LCMT2: variants seen among roughly 807,000 people sequenced by gnomAD.
The protein encoded by LCMT2 is leucine carboxyl methyltransferase 2.
In LCMT2, 34 loss-of-function variants were observed where a neutral mutation model predicts 42.0. The ratio of observed to expected loss-of-function variants is 0.81; its 90% confidence interval spans 0.62 to 1.08. LCMT2 has a LOEUF of 1.08. LCMT2 is among the 50% of genes least tolerant of loss of function. The pLI is 0.00. For missense variants in LCMT2, 1,091 were observed against 889.4 expected, an observed-to-expected ratio of 1.23 and a Z score of -2.88; for synonymous variants, 445 against 369.5, an observed-to-expected ratio of 1.20 and a Z score of -2.34.
chr15:43,329,147 T>C lies in LCMT2; in HGVS notation c.1343A>G (p.Gln448Arg). The C allele has an allele frequency of 6.2e-7, 1 of 1,614,044 alleles. No homozygotes were observed. Among genetic ancestry groups the C allele is most frequent in the Middle Eastern group, 1.6e-4 (1 of 6,062 alleles). ...SPVSPALGVL[Q>R]LHFFKSEDNN... is the part of the protein sequence containing the mutation. ...ATCCTCACTCTTAAAAAAATGAAGC[T>C]GGAGAACCCCCAAGGCTGGACTTAC... The change falls in exon 1 of 1, where the codon CAG (glutamine) becomes CGG (arginine). Residue 448 changes from glutamine to arginine, a missense_variant. Coordinates refer to ENST00000305641, the MANE Select transcript of LCMT2 (RefSeq NM_014793.5).
rs369071650 is a variant in LCMT2 at position 43,328,564 on chromosome 15, G to C, written c.1926C>G (p.Asn642Lys). ...TYVPWPLMLHNHTSILLPEEQ... is the reference protein window; with the variant it reads ...TYVPWPLMLHKHTSILLPEEQ... ...CTTCAGGAAGAAGGATACTAGTATG[G>C]TTGTGTAACATTAATGGCCATGGCA... Residue 642 changes from asparagine to lysine, a missense_variant, in exon 1 of 1, where the codon AAC (asparagine) becomes AAG (lysine). Transcript: ENST00000305641. 1 of 1,614,216 alleles carries C rather than the reference G, an allele frequency of 6.2e-7. No homozygotes were observed. The highest frequency in any genetic ancestry group is 8.5e-7 in the Non-Finnish European group (1 of 1,180,052).
rs745926732 is a variant in LCMT2, at chr15:43,328,848, T to C, written c.1642A>G (p.Ile548Val). 3 of 1,613,674 alleles carry C rather than the reference T, an allele frequency of 1.9e-6. No homozygotes were observed. Among genetic ancestry groups the C allele is most frequent in the Non-Finnish European group, 2.5e-6 (3 of 1,179,990 alleles). ...SACTWQGGAL[I>V]AGGLGASEEP... ...TCAGAAGCCCCGAGACCTCCAGCAATAAGGGCTCCCCCTTGCCAAGTGCAG... is the reference window on the plus strand; with the variant it reads ...TCAGAAGCCCCGAGACCTCCAGCAACAAGGGCTCCCCCTTGCCAAGTGCAG... The change falls in exon 1 of 1, where the codon ATT becomes GTT. Residue 548 changes from isoleucine (I) to valine (V), a missense_variant. Ile to Val is a conservative substitution (Grantham distance 29). Coordinates refer to ENST00000305641, the MANE Select transcript of LCMT2 (RefSeq NM_014793.5).
Position 43,329,563 on chromosome 15 carries a change from C to T in LCMT2, c.927G>A (p.Leu309=), listed in dbSNP as rs1398918142. 3 of 1,614,088 alleles carry T rather than the reference C, an allele frequency of 1.9e-6. No homozygotes were observed. The highest frequency in any genetic ancestry group is 1.3e-5 in the African/African-American group (1 of 75,046). The change falls in exon 1 of 1, where the codon CTG becomes CTA. Residue 309 remains leucine (L), a synonymous_variant. Transcript: ENST00000305641. ...AGAGGGTGTCTCCCCTAGAAGCTGC[C>T]AGAATGAAATAATGGGCGCACTTCA... The part of the protein sequence containing the change: ...WHLKCAHYFI[L]AASRGDTLSH...
Position 43,328,511 on chromosome 15 carries a change from C to A in LCMT2, c.1979G>T (p.Gly660Val). The change falls in exon 1 of 1, where the codon GGT (glycine) becomes GTT (valine). Residue 660 changes from glycine (G) to valine (V), a missense_variant. Gly to Val is a moderately radical substitution (Grantham distance 109, BLOSUM62 -3). Coordinates refer to ENST00000305641, the MANE Select transcript of LCMT2 (RefSeq NM_014793.5). ...EEQQLLLLGG[G>V]GNCFSFGTYF... The stretch of plus-strand genomic sequence containing the variant: ...GGTACCAAAGGAAAAGCAGTTCCCA[C>A]CACCTCCAAGGAGCAGGAGCTGTTG... 6.2e-7 allele frequency: 1 copy of A among 1,614,194 alleles called. No individual in the cohort carries two copies.
In LCMT2 at chr15:43,323,983, C is replaced by T. The variant is rs577788883; in HGVS notation, c.*4446G>A. ...ACAATTCCTTCCCTCAGTCAAGGAA[C>T]TGCCCCTTCCCAATCATGTGCTTTC... On this transcript the variant is annotated 3_prime_UTR_variant, in exon 1 of 1. Coordinates refer to ENST00000305641, the MANE Select transcript of LCMT2 (RefSeq NM_014793.5). 1 of 152,352 alleles carries T rather than the reference C, an allele frequency of 6.6e-6. No individual in the cohort carries two copies. The highest frequency in any genetic ancestry group is 2.1e-4 in the South Asian group (1 of 4,828). The allele number at this position is 152,352 out of a possible 1,614,324, so 9.4% of individuals were successfully genotyped here. A position where few individuals can be genotyped will look rare whatever the true frequency, so the allele number is the denominator to read the frequency against.
Position 43,330,337 on chromosome 15 carries a change from G to C in LCMT2, c.153C>G (p.Leu51=). 1.9e-6 allele frequency: 3 copies of C among 1,602,450 alleles called. No homozygotes were observed. Among genetic ancestry groups the C allele is most frequent in the Non-Finnish European group, 2.5e-6 (3 of 1,178,308 alleles). Residue 51 remains leucine (L), a synonymous_variant, in exon 1 of 1, where the codon CTC becomes CTG. Coordinates refer to ENST00000305641, the MANE Select transcript of LCMT2 (RefSeq NM_014793.5). The stretch of plus-strand genomic sequence containing the variant: ...CGCGGACGTAGTAGCCTCGGTGAAT[G>C]AGCGGTGCGCGGCGCGCCGCGCCCG... ...LVPGAARRAP[L]IHRGYYVRAR...
In LCMT2 at chr15:43,328,708, G is replaced by A. The variant is rs764921753; in HGVS notation, c.1782C>T (p.Leu594=). The change falls in exon 1 of 1, where the codon CTC becomes CTT. Residue 594 remains leucine (L), a synonymous_variant. Transcript: ENST00000305641. ...TPRYSHTAHV[L]NGKLLLVGGI... is the part of the protein sequence containing the mutation. ...CTCCAACCAGTAACAGCTTTCCATT[G>A]AGCACATGAGCTGTGTGGGAGTACC... is the stretch of plus-strand genomic sequence containing the variant. The A allele has an allele frequency of 2.7e-5, 44 of 1,614,024 alleles. No homozygotes were observed. The Admixed American group carries it at 7.3e-4, about 27-fold the overall frequency.
In LCMT2 at chr15:43,329,923, C is replaced by T. The variant is rs1286409512; in HGVS notation, c.567G>A (p.Ala189=). ...TCTCCGGCTCGAGGTAGGTCAGCAC[C>T]GCCTCGGCCAGGAGCAGAGTGGGTG... ...AASPTLLLAE[A]VLTYLEPESA... Residue 189 remains alanine, a synonymous_variant, in exon 1 of 1, where the codon GCG becomes GCA. Transcript: ENST00000305641. The T allele has an allele frequency of 4.3e-6, 7 of 1,612,798 alleles. No individual in the cohort carries two copies. Among genetic ancestry groups the T allele is most frequent in the Non-Finnish European group, 5.9e-6 (7 of 1,179,822 alleles).
rs1348240371 is a variant in LCMT2, at chr15:43,327,745, C to G, written c.*684G>C. ...TGAAAGGTGGAGAGTATATCTGGAA[C>G]AAAACATTATTATACCCCGTGCAAA... is the stretch of plus-strand genomic sequence containing the variant. On this transcript the variant is annotated 3_prime_UTR_variant, in exon 1 of 1. Coordinates refer to ENST00000305641, the MANE Select transcript of LCMT2 (RefSeq NM_014793.5). The G allele has an allele frequency of 2.0e-5, 3 of 152,370 alleles. No individual in the cohort carries two copies. Among genetic ancestry groups the G allele is most frequent in the Admixed American group, 2.0e-4 (3 of 15,296 alleles). 9.4% of individuals were successfully genotyped at this position (152,370 alleles called of 1,614,324 possible). A position where few individuals can be genotyped will look rare whatever the true frequency, so the allele number is the denominator to read the frequency against.
In LCMT2 at chr15:43,329,446, GCTA is replaced by G; in HGVS notation, c.1041_1043del (p.Ser348del). ...TCTTCAGGTTTGGGACCTGGCCCTC[GCTA>G]CTGACTACGCTGGCAGGGAATACCC... On this transcript the variant is annotated inframe_deletion, in exon 1 of 1. Coordinates refer to ENST00000305641, the MANE Select transcript of LCMT2 (RefSeq NM_014793.5). 1 of 1,614,148 alleles carries G rather than the reference GCTA, an allele frequency of 6.2e-7. No homozygotes were observed. The highest frequency in any genetic ancestry group is 8.5e-7 in the Non-Finnish European group (1 of 1,180,022).
Position 43,329,199 on chromosome 15 carries a change from G to C in LCMT2, c.1291C>G (p.Leu431Val), listed in dbSNP as rs1159898226. The C allele has an allele frequency of 7.4e-6, 12 of 1,613,910 alleles. No individual in the cohort carries two copies. Among genetic ancestry groups the C allele is most frequent in the Non-Finnish European group, 1.0e-5 (12 of 1,180,032 alleles). The change falls in exon 1 of 1, where the codon CTG becomes GTG. Residue 431 changes from leucine (L) to valine (V), a missense_variant. By Grantham distance (32) the Leu-to-Val change is conservative. Coordinates refer to ENST00000305641, the MANE Select transcript of LCMT2 (RefSeq NM_014793.5). ...TMTRLSESRV[L>V]VLGGRLSPVS... is the part of the protein sequence containing the mutation. The stretch of plus-strand genomic sequence containing the variant: ...GGGGACAGTCTCCCTCCCAGAACCA[G>C]AACCCGACTCTCTGAGAGTCTTGTC...
rs1164721881 is a variant in LCMT2 at position 43,329,903 on chromosome 15, G to C, written c.587C>G (p.Pro196Arg). 1 of 1,613,094 alleles carries C rather than the reference G, an allele frequency of 6.2e-7. No individual in the cohort carries two copies. Among genetic ancestry groups the C allele is most frequent in the South Asian group, 1.1e-5 (1 of 91,086 alleles). ...GGCGATGAGGGCCGCGGCACTCTCC[G>C]GCTCGAGGTAGGTCAGCACCGCCTC... ...LAEAVLTYLE[P>R]ESAAALIAWA... is the part of the protein sequence containing the mutation. Residue 196 changes from proline to arginine, a missense_variant, in exon 1 of 1, where the codon CCG (proline) becomes CGG (arginine). Pro to Arg is a moderately radical substitution (Grantham distance 103). Transcript: ENST00000305641.
chr15:43,328,496 G>T lies in LCMT2; in HGVS notation c.1994C>A (p.Ser665Tyr). Residue 665 changes from serine (S) to tyrosine (Y), a missense_variant, in exon 1 of 1, where the codon TCC becomes TAC. By Grantham distance (144) the Ser-to-Tyr change is moderately radical. Transcript: ENST00000305641. ...ATGGGGGTTGAAGTAGGTACCAAAG[G>T]AAAAGCAGTTCCCACCACCTCCAAG... is the stretch of plus-strand genomic sequence containing the variant. ...LLLGGGGNCF[S>Y]FGTYFNPHTV... 6.2e-7 allele frequency: 1 copy of T among 1,614,182 alleles called. No homozygotes were observed.
chr15:43,328,641 TCA>T lies in LCMT2; in HGVS notation c.1847_1848del (p.Val616AspfsTer10), dbSNP rs2043133251. 6.2e-7 allele frequency: 1 copy of T among 1,614,040 alleles called. No homozygotes were observed. The highest frequency in any genetic ancestry group is 1.1e-5 in the South Asian group (1 of 91,082). ...IHSSSFPGVTVINLTTGLSSE... is the reference protein window; with the variant it reads ...IHSSSFPGVTXINLTTGLSSE... The stretch of plus-strand genomic sequence containing the variant: ...GAGCTCAATCCTGTAGTCAAATTGA[TCA>T]CAGTCACTCCAGGAAATGAGGAGGA... On this transcript the variant is annotated frameshift_variant, in exon 1 of 1. Coordinates refer to ENST00000305641, the MANE Select transcript of LCMT2 (RefSeq NM_014793.5). LOFTEE classifies it high-confidence loss of function.
At position 43,326,036 on chromosome 15, in the gene LCMT2, T is replaced by C. The variant is rs1244841554; in HGVS notation, c.*2393A>G. 1 of 60,190 alleles carries C rather than the reference T, an allele frequency of 1.7e-5. No individual in the cohort carries two copies. Among genetic ancestry groups the C allele is most frequent in the Non-Finnish European group, 2.6e-5 (1 of 38,742 alleles). The allele number at this position is 60,190 out of a possible 1,614,324, so 3.7% of individuals were successfully genotyped here. ...TTGTATATATAGATAGATGGATAAT[T>C]TTTTTTTTTTTTTTTTTTTTTTTTT... On this transcript the variant is annotated 3_prime_UTR_variant, in exon 1 of 1. Coordinates refer to ENST00000305641, the MANE Select transcript of LCMT2 (RefSeq NM_014793.5).
In LCMT2 at chr15:43,326,575, C is replaced by G. The variant is rs539296419; in HGVS notation, c.*1854G>C. Reference sequence around the variant, plus strand: ...AGTATCCAAGACTACAAGCACACACCACCGTGCCTACTTATTTTTTTGTAG... The same window carrying G: ...AGTATCCAAGACTACAAGCACACACGACCGTGCCTACTTATTTTTTTGTAG... On this transcript the variant is annotated 3_prime_UTR_variant, in exon 1 of 1. Transcript: ENST00000305641. 6.6e-6 allele frequency: 1 copy of G among 152,284 alleles called. No individual in the cohort carries two copies. The highest frequency in any genetic ancestry group is 1.9e-4 in the East Asian group (1 of 5,176). 9.4% of individuals were successfully genotyped at this position (152,284 alleles called of 1,614,324 possible).
In LCMT2 at chr15:43,329,050, CCAA is replaced by C. The variant is rs2043141049; in HGVS notation, c.1437_1439del (p.Cys479del). ...AGGACACTTCTGTTGTTGAATGCCG[CCAA>C]CAACACAAAGTGGAATCATCCTTTC... On this transcript the variant is annotated inframe_deletion, in exon 1 of 1. Transcript: ENST00000305641. The C allele has an allele frequency of 1.2e-6, 2 of 1,614,132 alleles. No homozygotes were observed. Among genetic ancestry groups the C allele is most frequent in the South Asian group, 1.1e-5 (1 of 91,078 alleles).
rs1343970985 is a variant in LCMT2 at position 43,326,887 on chromosome 15, A to G, written c.*1542T>C. The G allele has an allele frequency of 6.6e-6, 1 of 152,262 alleles. No homozygotes were observed. The highest frequency in any genetic ancestry group is 2.4e-5 in the African/African-American group (1 of 41,466). The allele number at this position is 152,262 out of a possible 1,614,324, so 9.4% of individuals were successfully genotyped here. On this transcript the variant is annotated 3_prime_UTR_variant, in exon 1 of 1. Transcript: ENST00000305641. ...ATAGAAATAAAGGATGCAATTTGTC[A>G]TCAATGATGGTTCATAATAATCATT...
In LCMT2 at chr15:43,326,933, A is replaced by G. The variant is rs2043121731; in HGVS notation, c.*1496T>C. On this transcript the variant is annotated 3_prime_UTR_variant, in exon 1 of 1. Coordinates refer to ENST00000305641, the MANE Select transcript of LCMT2 (RefSeq NM_014793.5). ...TCATTTAGGCACTTGTAGAATGAAA[A>G]CTACTAAGGTTTCTAGGACTAAGAA... 1 of 152,050 alleles carries G rather than the reference A, an allele frequency of 6.6e-6. No individual in the cohort carries two copies. The highest frequency in any genetic ancestry group is 2.4e-5 in the African/African-American group (1 of 41,442). 9.4% of individuals were successfully genotyped at this position (152,050 alleles called of 1,614,324 possible).
Sources: allele counts gnomAD v4.1 joint callset, GRCh38; gene constraint gnomAD v4.1.1; transcripts MANE v1.5; gene names NCBI Gene and HGNC (gene_info 2026-07-23, HGNC 2026-07-21).